Variants in CCDC196 observed in about 807,000 individuals in gnomAD.
CCDC196 encodes the protein coiled-coil domain containing 196, also known as coiled-coil domain-containing protein 196.
intron 8 of CCDC196, chr14:66,494,900 C>G (rs1012818544): frequency 6.6e-6 from 1 of 152,214 alleles, no homozygotes. Context: ...GTGGCACACA[C>G]CTATAGTCCC....
Position 66,496,049 on chromosome 14 carries a change from G to C in CCDC196, c.716-2060G>C. On this transcript the variant is annotated intron_variant, in intron 8 of 9. Transcript: ENST00000636229. ...ATTGGGGCACTAAAAGAAAAAATGAGCACTAAACAAAAAATAAAAGATGGT... is the reference window on the plus strand; with the variant it reads ...ATTGGGGCACTAAAAGAAAAAATGACCACTAAACAAAAAATAAAAGATGGT... The C allele has an allele frequency of 1.3e-5, 4 of 301,102 alleles. 1 individual carries two copies. The highest frequency in any genetic ancestry group is 1.3e-4 in the South Asian group (4 of 30,960). 18.7% of individuals were successfully genotyped at this position (301,102 alleles called of 1,614,324 possible).
intron 8 of CCDC196, among the ~76,000 whole-genome samples, chr14:66,492,530 CG>C (rs1275850031): frequency 6.6e-6 from 1 of 151,856 alleles, no homozygotes; most frequent in African/African-American, 2.4e-5. Flanking sequence ...TTAGTAGAGA[CG>C]GGGTTTCACC....
At chr14:66,491,535 T>C (rs779566313) in intron 6 of CCDC196, 91 bp from the exon 7 acceptor site, 1 of 412,734 alleles carries the variant, frequency 2.4e-6, no homozygotes, top group Non-Finnish European at 4.4e-6. Flanking sequence ...TGCGACACTA[T>C]AATTTTGCTA....
At chr14:66,495,536 C>G (rs920490635) in intron 8 of CCDC196, 1 of 152,192 alleles carries the variant, frequency 6.6e-6, no homozygotes, top group Non-Finnish European at 1.5e-5. Context: ...TTTCATGCCT[C>G]TTCTAGATCT....
chr14:66,486,891 A>AT (rs112147807), intron 2 of CCDC196, 82 bp downstream of exon 2: 16,567 of 281,872 alleles, frequency 0.059, 18 homozygotes, highest in Middle Eastern at 0.082. Context: ...ATTACTTACA[A>AT]TTTTTTTTTT....
At chr14:66,487,546 G>A (rs2057436437) in intron 2 of CCDC196, among the ~76,000 whole-genome samples, 1 of 152,036 alleles carries the variant, frequency 6.6e-6, no homozygotes. Flanking sequence ...TTAGAACTGG[G>A]GAGAAAAAAG....
chr14:66,493,478 A>T (rs1478988372), intron 8 of CCDC196, among the ~76,000 whole-genome samples: 1 of 152,194 alleles, frequency 6.6e-6, no homozygotes, highest in African/African-American at 2.4e-5. Flanking sequence ...TGGGGGCAGG[A>T]CATTGTTTGT....
intron 8 of CCDC196, among the ~76,000 whole-genome samples, chr14:66,497,355 T>C (rs892915003): frequency 5.9e-5 from 9 of 152,124 alleles, no homozygotes; most frequent in Admixed American, 5.2e-4. Context: ...CAAAATAAAC[T>C]GTACCCTTAT....
At chr14:66,490,464 T>C (rs2057510133) in intron 4 of CCDC196, among the ~76,000 whole-genome samples, 1 of 152,150 alleles carries the variant, frequency 6.6e-6, no homozygotes, top group South Asian at 2.1e-4. Context: ...TGCAATACAG[T>C]ACAGTAAGGA....
At chr14:66,487,973 C>G (rs2057448533) in intron 2 of CCDC196, among the ~76,000 whole-genome samples, 187 bp from the exon 3 acceptor site, 1 of 152,074 alleles carries the variant, frequency 6.6e-6, no homozygotes, top group Non-Finnish European at 1.5e-5. Context: ...CATAGATAGG[C>G]AAATGTCAAT....
At chr14:66,493,483 G>T (rs1399790341) in intron 8 of CCDC196, among the ~76,000 whole-genome samples, 1 of 152,154 alleles carries the variant, frequency 6.6e-6, no homozygotes, top group Non-Finnish European at 1.5e-5. Flanking sequence ...GCAGGACATT[G>T]TTTGTGTGAT....
intron 8 of CCDC196, chr14:66,496,197 C>A (rs1361109456): frequency 2.2e-6 from 1 of 453,208 alleles, no homozygotes; most frequent in East Asian, 7.0e-5. Context: ...TTTGGACACA[C>A]CTCTCAGTAA....
intron 8 of CCDC196, chr14:66,496,610 T>G: frequency 3.3e-6 from 1 of 303,940 alleles, no homozygotes; most frequent in Non-Finnish European, 6.5e-6. Context: ...CTCCCTAACT[T>G]CTATAGAGTC....
intron 8 of CCDC196, chr14:66,496,870 G>C (rs756335018): frequency 6.4e-6 from 1 of 155,616 alleles, no homozygotes; most frequent in African/African-American, 2.4e-5. Flanking sequence ...CGTTGGATGT[G>C]AGTATTATGC....
chr14:66,490,398 A>C (rs1465119559), intron 4 of CCDC196, among the ~76,000 whole-genome samples: 1 of 152,222 alleles, frequency 6.6e-6, no homozygotes, highest in African/African-American at 2.4e-5. Flanking sequence ...TTTCTCATCT[A>C]TAATATGGAA....
At chr14:66,492,410 A>G (rs1451299474) in intron 8 of CCDC196, among the ~76,000 whole-genome samples, 1 of 149,594 alleles carries the variant, frequency 6.7e-6, no homozygotes, top group Non-Finnish European at 1.5e-5. Context: ...ATCTCAGCTC[A>G]CTGCTACCTC....
rs983635367 is a variant in CCDC196 at position 66,488,251 on chromosome 14, A to G, written c.295A>G (p.Asn99Asp). The G allele has an allele frequency of 3.9e-5, 16 of 412,906 alleles. No individual in the cohort carries two copies. Among genetic ancestry groups the G allele is most frequent in the African/African-American group, 3.3e-4 (16 of 48,614 alleles). The allele number at this position is 412,906 out of a possible 1,614,324, so 25.6% of individuals were successfully genotyped here. The change falls in exon 3 of 10, where the codon AAC becomes GAC. Residue 99 changes from asparagine to aspartate, a missense_variant. Physicochemically the swap from Asn to Asp is conservative, Grantham distance 23 (BLOSUM62 1). Coordinates refer to ENST00000636229, the MANE Select transcript of CCDC196 (RefSeq NM_001351576.1). The part of the protein sequence containing the change: ...LLKEAEEMKQ[N>D]LERKNKMLRK... ...TAAGGAAGCAGAGGAGATGAAACAG[A>G]ACTTGGTAAGAAGTAGGAGGGACTC...
At chr14:66,493,342 T>C (rs1304612008) in intron 8 of CCDC196, among the ~76,000 whole-genome samples, 1 of 152,164 alleles carries the variant, frequency 6.6e-6, no homozygotes, top group African/African-American at 2.4e-5. Context: ...TGGTTCTGAA[T>C]TTTCCAGTAA....
chr14:66,488,015 T>C (rs958539193), intron 2 of CCDC196, 145 bp from the exon 3 acceptor site: 23 of 392,816 alleles, frequency 5.9e-5, no homozygotes, highest in East Asian at 4.0e-4. Context: ...TACAGAGATC[T>C]TCTATGACCA....
Sources: allele counts gnomAD v4.1 joint callset (sites outside exome capture counted in the v4.1 genomes callset), GRCh38; gene constraint gnomAD v4.1.1; transcripts MANE v1.5; gene names NCBI Gene and HGNC (gene_info 2026-07-23, HGNC 2026-07-21).